ATRNL1: variants seen among roughly 807,000 people sequenced by gnomAD.
The protein encoded by ATRNL1 is attractin like 1.
In ATRNL1, 95 loss-of-function variants were observed where a neutral mutation model predicts 182.7. The observed-to-expected ratio is 0.52, with a 90% CI of 0.44 to 0.62. The LOEUF is 0.62. Among genes scored for constraint, ATRNL1 ranks in the 20% least tolerant of loss-of-function variants. The probability of loss-of-function intolerance (pLI) is 0.00; values close to 1 mark genes in which losing one functional copy is unlikely to be tolerated. For synonymous variants in ATRNL1, 576 were observed against 568.3 expected (o/e 1.01, Z -0.19); for missense variants, 1,471 against 1,679.5 (o/e 0.88, Z 2.17).
intron 8 of ATRNL1, among the ~76,000 whole-genome samples, chr10:115,190,156 A>C (rs1395180681): frequency 6.6e-6 from 1 of 152,130 alleles, no homozygotes; most frequent in Non-Finnish European, 1.5e-5. Flanking sequence ...CTAACAGTGC[A>C]TTTCTCAGAA....
intron 19 of ATRNL1, among the ~76,000 whole-genome samples, chr10:115,370,132 A>G (rs1857314704): frequency 2.0e-5 from 3 of 152,200 alleles, no homozygotes; most frequent in African/African-American, 4.8e-5. Context: ...TGCCTTTCAC[A>G]TTCTGCCATG....
rs547580869 is a variant in ATRNL1, at chr10:115,254,194, C to G, written c.1688-10999C>G. Among the ~76,000 whole-genome samples, 289 of 152,268 alleles carry G rather than the reference C, an allele frequency of 1.9e-3. 1 individual carries two copies. Among genetic ancestry groups the G allele is most frequent in the Middle Eastern group, 3.4e-3 (1 of 294 alleles). On this transcript the variant is annotated intron_variant, in intron 10 of 28. Transcript: ENST00000355044. ...TCAAATGGTAATTCTAGTTCTAAAT[C>G]CTTGAGGAATCACCACACTGTCTTC... is the stretch of plus-strand genomic sequence containing the variant.
intron 10 of ATRNL1, among the ~76,000 whole-genome samples, chr10:115,246,207 T>C (rs78010258): frequency 0.011 from 1,705 of 152,286 alleles, 28 homozygotes; most frequent in African/African-American, 0.038. Flanking sequence ...GAAGACACTG[T>C]GATTTACCAT....
chr10:115,368,140 A>T (rs1422136407), intron 19 of ATRNL1, among the ~76,000 whole-genome samples: 1 of 152,114 alleles, frequency 6.6e-6, no homozygotes, highest in Non-Finnish European at 1.5e-5. Context: ...GCTGCCTTAC[A>T]GTTTGATCTC....
At chr10:115,307,704 A>G (rs561574293) in intron 17 of ATRNL1, among the ~76,000 whole-genome samples, 1 of 152,166 alleles carries the variant, frequency 6.6e-6, no homozygotes, top group Non-Finnish European at 1.5e-5. Flanking sequence ...CTCCTTCATT[A>G]TGTTTAATTT....
chr10:115,510,462 G>A (rs1725735606), intron 24 of ATRNL1, among the ~76,000 whole-genome samples: 1 of 151,970 alleles, frequency 6.6e-6, no homozygotes, highest in South Asian at 2.1e-4. Flanking sequence ...TCAACACTGA[G>A]GCAAGACCCT....
At chr10:115,884,962 C>G (rs1951908433) in intron 28 of ATRNL1, among the ~76,000 whole-genome samples, 1 of 152,120 alleles carries the variant, frequency 6.6e-6, no homozygotes, top group Non-Finnish European at 1.5e-5. Flanking sequence ...AAATGCTGAT[C>G]CAAAAAGTAC....
intron 9 of ATRNL1, among the ~76,000 whole-genome samples, chr10:115,217,906 G>A (rs1849292916): frequency 6.6e-6 from 1 of 151,886 alleles, no homozygotes; most frequent in Non-Finnish European, 1.5e-5. Flanking sequence ...TTTAAGCTTA[G>A]ATCTTTTTTA....
At chr10:115,188,135 C>T (rs1266250579) in intron 8 of ATRNL1, among the ~76,000 whole-genome samples, 1 of 151,236 alleles carries the variant, frequency 6.6e-6, no homozygotes, top group Non-Finnish European at 1.5e-5. Flanking sequence ...TAATGATAAA[C>T]GGGAAAAATA....
intron 26 of ATRNL1, among the ~76,000 whole-genome samples, chr10:115,671,214 C>A (rs1411346405): frequency 6.6e-6 from 1 of 152,012 alleles, no homozygotes. Context: ...TTGCCCAAAG[C>A]CTTTTGATGA....
At chr10:115,908,754 C>T (rs903702976) in intron 28 of ATRNL1, among the ~76,000 whole-genome samples, 7 of 152,164 alleles carry the variant, frequency 4.6e-5, no homozygotes, top group African/African-American at 9.7e-5. Context: ...GAGGTATATT[C>T]GGTTCATCTC....
intron 28 of ATRNL1, among the ~76,000 whole-genome samples, chr10:115,894,937 C>T (rs1952169667): frequency 6.6e-6 from 1 of 152,144 alleles, no homozygotes; most frequent in Non-Finnish European, 1.5e-5. Context: ...TCAGTTGTAA[C>T]TGTGGTTTCA....
intron 27 of ATRNL1, among the ~76,000 whole-genome samples, chr10:115,828,336 A>G (rs922760579): frequency 3.3e-5 from 5 of 151,888 alleles, no homozygotes; most frequent in Non-Finnish European, 7.4e-5. Context: ...AGAAAAGAAA[A>G]GAAAAGAAAA....
chr10:115,697,859 G>A (rs1946613299), intron 26 of ATRNL1, among the ~76,000 whole-genome samples: 1 of 152,060 alleles, frequency 6.6e-6, no homozygotes, highest in African/African-American at 2.4e-5. Flanking sequence ...GTACTTGGCT[G>A]TCCTTTCTGT....
chr10:115,883,156 A>C (rs1951865585), intron 28 of ATRNL1, among the ~76,000 whole-genome samples: 1 of 152,164 alleles, frequency 6.6e-6, no homozygotes, highest in African/African-American at 2.4e-5. Context: ...GGACAACTCT[A>C]TACCCATCCA....
chr10:115,925,732 G>A (rs947220184), intron 28 of ATRNL1, among the ~76,000 whole-genome samples: 3 of 152,230 alleles, frequency 2.0e-5, no homozygotes, highest in Non-Finnish European at 2.9e-5. Flanking sequence ...AAGTATACAC[G>A]CACCCAATAC....
At chr10:115,403,257 C>CA (rs782077494) in intron 20 of ATRNL1, among the ~76,000 whole-genome samples, 1 of 107,470 alleles carries the variant, frequency 9.3e-6, no homozygotes, top group Non-Finnish European at 1.7e-5. Context: ...TTACTCTCAT[C>CA]TTTTTTTTTT....
chr10:115,742,476 A>G (rs1039130493), intron 27 of ATRNL1, among the ~76,000 whole-genome samples: 1 of 152,156 alleles, frequency 6.6e-6, no homozygotes, highest in Non-Finnish European at 1.5e-5. Flanking sequence ...ACCTGCAGAG[A>G]GTGAACTTGA....
chr10:115,505,145 T>G (rs142878697), intron 24 of ATRNL1, among the ~76,000 whole-genome samples: 298 of 152,206 alleles, frequency 2.0e-3, no homozygotes, highest in Non-Finnish European at 3.3e-3. Context: ...TAGAAATCTG[T>G]CATAGAATTG....
Sources: gnomAD v4.1 joint callset for allele counts (sites outside exome capture counted in the v4.1 genomes callset) on GRCh38, gnomAD v4.1.1 for gene constraint, MANE v1.5 for transcripts, NCBI Gene and HGNC (gene_info 2026-07-23, HGNC 2026-07-21) for gene names.